The following CARMIL3 variants were observed in gnomAD, a reference collection of about 807,000 sequenced individuals.
CARMIL3 encodes capping protein regulator and myosin 1 linker 3, also known as capping protein, Arp2/3 and myosin-I linker protein 3.
A neutral mutation model predicts 180.8 loss-of-function variants in CARMIL3; 88 were observed. The observed-to-expected ratio is 0.49, with a 90% confidence interval of 0.41 to 0.58. CARMIL3 has a LOEUF of 0.58. CARMIL3 is among the 20% of genes least tolerant of loss of function. The probability of loss-of-function intolerance (pLI) is 0.00; values close to 1 mark genes in which losing one functional copy is unlikely to be tolerated. For missense variants in CARMIL3, 1,548 were observed against 1,787.0 expected (o/e 0.87, Z 2.41); for synonymous variants, 696 against 714.5 (o/e 0.97, Z 0.41).
chr14:24,060,926 G>T lies in CARMIL3; in HGVS notation c.2191-1G>T. 1.9e-6 allele frequency: 3 copies of T among 1,551,504 alleles called. No homozygotes were observed. The highest frequency in any genetic ancestry group is 1.7e-6 in the Non-Finnish European group (2 of 1,146,842). On this transcript the variant is annotated splice_acceptor_variant, in intron 25 of 39. Coordinates refer to ENST00000342740, the MANE Select transcript of CARMIL3 (RefSeq NM_138360.4). LOFTEE classifies it high-confidence loss of function. ...CTAATCATAACCCCTTCCTTCTCCA[G>T]CTGTTTCCCAGCCTCTATGAGCTGG... is the stretch of plus-strand genomic sequence containing the variant.
chr14:24,063,376 CT>C lies in CARMIL3; in HGVS notation c.2823del (p.Gly942AlafsTer30), dbSNP rs1373614850. 6.2e-7 allele frequency: 1 copy of C among 1,612,354 alleles called. No homozygotes were observed. The highest frequency in any genetic ancestry group is 8.5e-7 in the Non-Finnish European group (1 of 1,179,210). On this transcript the variant is annotated frameshift_variant, in exon 31 of 40. Coordinates refer to ENST00000342740, the MANE Select transcript of CARMIL3 (RefSeq NM_138360.4). LOFTEE classifies it high-confidence loss of function. Reference protein sequence around the residue: ...ESQLGNLGIPPGWFSGLGGSQ... With the variant: ...ESQLGNLGIPXGWFSGLGGSQ... ...CAACTGGGGAATCTGGGGATCCCCC[CT>C]GGCTGGTTCTCAGGACTTGGGGGCA...
Position 24,060,237 on chromosome 14 carries a change from G to A in CARMIL3, c.2043G>A (p.Val681=), listed in dbSNP as rs1427270388. 1 of 1,614,148 alleles carries A rather than the reference G, an allele frequency of 6.2e-7. No individual in the cohort carries two copies. Among genetic ancestry groups the A allele is most frequent in the Admixed American group, 1.7e-5 (1 of 60,034 alleles). Residue 681 remains valine, a synonymous_variant, in exon 24 of 40, where the codon GTG becomes GTA. Coordinates refer to ENST00000342740, the MANE Select transcript of CARMIL3 (RefSeq NM_138360.4). ...CCTTCAGGTTGCAGCAGGGCCTGGT[G>A]ACCAGCAGCGCCGAGCAAGTAAACG... is the stretch of plus-strand genomic sequence containing the variant. ...EQAFRLQQGL[V]TSSAEQMLQR...
At chr14:24,057,434 G>C (rs931391922) in intron 14 of CARMIL3, among the ~76,000 whole-genome samples, 190 bp downstream of exon 14, 4 of 152,158 alleles carry the variant, frequency 2.6e-5, no homozygotes, top group African/African-American at 9.7e-5. Flanking sequence ...ACAAGCTTGT[G>C]CTTGCTGTGC....
In CARMIL3 at chr14:24,057,980, C is replaced by G; in HGVS notation, c.1238C>G (p.Pro413Arg). 6.2e-7 allele frequency: 1 copy of G among 1,613,634 alleles called. No individual in the cohort carries two copies. Among genetic ancestry groups the G allele is most frequent in the Non-Finnish European group, 8.5e-7 (1 of 1,179,996 alleles). Reference sequence around the variant, plus strand: ...CACAGGAAGGGTCGAGAGGCCCCGCCGGCCTTCAAGCAGTTCTTCAGCAGC... The same window carrying G: ...CACAGGAAGGGTCGAGAGGCCCCGCGGGCCTTCAAGCAGTTCTTCAGCAGC... ...CSHRKGREAP[P>R]AFKQFFSSAY... is the part of the protein sequence containing the mutation. The change falls in exon 16 of 40, where the codon CCG becomes CGG. Residue 413 changes from proline (P) to arginine (R), a missense_variant. Pro to Arg is a moderately radical substitution (Grantham distance 103). Coordinates refer to ENST00000342740, the MANE Select transcript of CARMIL3 (RefSeq NM_138360.4).
intron 31 of CARMIL3, 45 bp from the exon 32 acceptor site, chr14:24,064,201 T>C (rs775352544): frequency 2.1e-6 from 3 of 1,436,300 alleles, no homozygotes; most frequent in Non-Finnish European, 2.9e-6. Flanking sequence ...GAGGTGGGGC[T>C]TCCTGACCTA....
At position 24,069,620 on chromosome 14, in the gene CARMIL3, A is replaced by G. The variant is rs1002280088; in HGVS notation, c.*216A>G. On this transcript the variant is annotated 3_prime_UTR_variant, in exon 40 of 40. Transcript: ENST00000342740. ...TGCCTGCCTCGATACCTCTCTCTGC[A>G]GAGAGCTTCTGGGTGGGGGCTTATC... is the stretch of plus-strand genomic sequence containing the variant. 5 of 604,868 alleles carry G rather than the reference A, an allele frequency of 8.3e-6. No homozygotes were observed. Among genetic ancestry groups the G allele is most frequent in the Non-Finnish European group, 1.5e-5 (5 of 343,344 alleles). 37.5% of individuals were successfully genotyped at this position (604,868 alleles called of 1,614,324 possible).
chr14:24,060,904 A>G (rs2035726021), intron 25 of CARMIL3, 23 bp from the exon 26 acceptor site: 3 of 1,549,344 alleles, frequency 1.9e-6, no homozygotes, highest in Non-Finnish European at 2.6e-6. Context: ...TGGCCTGCTA[A>G]TCATAACCCC....
At chr14:24,067,009 G>GCAAAC (rs2035793961) in intron 36 of CARMIL3, among the ~76,000 whole-genome samples, 2 of 152,196 alleles carry the variant, frequency 1.3e-5, no homozygotes, top group Non-Finnish European at 2.9e-5. Context: ...TGGGAAGAGG[G>GCAAAC]TGGGCAAGTC....
chr14:24,055,841 G>T (rs547528200), intron 10 of CARMIL3, 52 bp downstream of exon 10: 23 of 1,539,860 alleles, frequency 1.5e-5, no homozygotes, highest in Middle Eastern at 3.4e-4. Flanking sequence ...GTAGTTTTAG[G>T]GTCCCAGAAC....
At chr14:24,068,388 C>T (rs1215127594) in intron 36 of CARMIL3, among the ~76,000 whole-genome samples, 196 bp from the exon 37 acceptor site, 17 of 143,972 alleles carry the variant, frequency 1.2e-4, no homozygotes, top group African/African-American at 4.4e-4. Context: ...CAGAGCAAAA[C>T]TCCATCTCCA....
Position 24,069,480 on chromosome 14 carries a change from C to A in CARMIL3, c.*76C>A. ...CAGACCCCTATCCACCCCCAGTCCCCAGGGCCCCCTGCCAGCCCCTGTCCT... is the reference window on the plus strand; with the variant it reads ...CAGACCCCTATCCACCCCCAGTCCCAAGGGCCCCCTGCCAGCCCCTGTCCT... On this transcript the variant is annotated 3_prime_UTR_variant, in exon 40 of 40. Coordinates refer to ENST00000342740, the MANE Select transcript of CARMIL3 (RefSeq NM_138360.4). 6.3e-7 allele frequency: 1 copy of A among 1,591,338 alleles called. No homozygotes were observed. Among genetic ancestry groups the A allele is most frequent in the South Asian group, 1.1e-5 (1 of 89,784 alleles).
Position 24,052,104 on chromosome 14 carries a change from CCGGCGGCGG to C in CARMIL3, c.-42_-34del. The C allele has an allele frequency of 6.6e-7, 1 of 1,522,030 alleles. No individual in the cohort carries two copies. The highest frequency in any genetic ancestry group is 8.8e-7 in the Non-Finnish European group (1 of 1,139,476). 94.3% of individuals were successfully genotyped at this position (1,522,030 alleles called of 1,614,324 possible). ...CGGGTCTAGCATGTGCCGCGGCTCC[CCGGCGGCGG>C]CGGCGGCTCCTCTGCAGCAGCCTCA... On this transcript the variant is annotated 5_prime_UTR_variant, in exon 1 of 40. Coordinates refer to ENST00000342740, the MANE Select transcript of CARMIL3 (RefSeq NM_138360.4).
chr14:24,065,112 C>CAG lies in CARMIL3; in HGVS notation c.3235_3236insAG (p.Leu1079GlnfsTer150). 1 of 1,521,472 alleles carries CAG rather than the reference C, an allele frequency of 6.6e-7. No individual in the cohort carries two copies. Among genetic ancestry groups the CAG allele is most frequent in the Non-Finnish European group, 8.8e-7 (1 of 1,136,766 alleles). The allele number at this position is 1,521,472 out of a possible 1,614,324, so 94.2% of individuals were successfully genotyped here. ...GGGGTCCCCTACCACTGGACTCCTC[C>CAG]TCCCTCCACCCCCACCCCCTCCCCC... On this transcript the variant is annotated frameshift_variant, in exon 33 of 40. Coordinates refer to ENST00000342740, the MANE Select transcript of CARMIL3 (RefSeq NM_138360.4). LOFTEE classifies it high-confidence loss of function.
intron 10 of CARMIL3, among the ~76,000 whole-genome samples, chr14:24,056,002 C>T (rs185406988): frequency 6.6e-6 from 1 of 152,302 alleles, no homozygotes; most frequent in East Asian, 1.9e-4. Flanking sequence ...ATGGCCTTTC[C>T]CCAGGATGTT....
Position 24,065,543 on chromosome 14 carries a change from G to T in CARMIL3, c.3397-79G>T. 10 of 1,526,718 alleles carry T rather than the reference G, an allele frequency of 6.5e-6. No individual in the cohort carries two copies. The South Asian group carries it at 1.3e-4, about 20-fold the overall frequency. The allele number at this position is 1,526,718 out of a possible 1,614,324, so 94.6% of individuals were successfully genotyped here. A position where few individuals can be genotyped will look rare whatever the true frequency, so the allele number is the denominator to read the frequency against. ...TGGCTAGGGACTCAGTGAGGCAGGG[G>T]TCCTCCTGACAACTCCCTCACAGCC... On this transcript the variant is annotated intron_variant, in intron 33 of 39. Transcript: ENST00000342740.
Position 24,057,899 on chromosome 14 carries a change from G to C in CARMIL3, c.1217+20G>C, listed in dbSNP as rs769779491. The C allele has an allele frequency of 6.2e-7, 1 of 1,613,070 alleles. No homozygotes were observed. The highest frequency in any genetic ancestry group is 1.7e-5 in the Admixed American group (1 of 60,020). On this transcript the variant is annotated intron_variant, in intron 15 of 39. Coordinates refer to ENST00000342740, the MANE Select transcript of CARMIL3 (RefSeq NM_138360.4). The stretch of plus-strand genomic sequence containing the variant: ...CCACAGGTGGGAGAGGAGGGGGAAG[G>C]GAGGACAGGGCAAGACATGGCCAAC...
rs771162267 is a variant in CARMIL3 at position 24,052,137 on chromosome 14, C to T, written c.-17C>T. ...GGCGGCGGCTCCTCTGCAGCAGCCTCAGCAGCAGCGGCCGCCATGGCCAAG... is the reference window on the plus strand; with the variant it reads ...GGCGGCGGCTCCTCTGCAGCAGCCTTAGCAGCAGCGGCCGCCATGGCCAAG... On this transcript the variant is annotated 5_prime_UTR_variant, in exon 1 of 40. It introduces an in-frame stop codon into an upstream open reading frame of the 5' UTR. Transcript: ENST00000342740. 31 of 1,571,660 alleles carry T rather than the reference C, an allele frequency of 2.0e-5. No homozygotes were observed. Among genetic ancestry groups the T allele is most frequent in the Non-Finnish European group, 2.6e-5 (30 of 1,164,876 alleles).
chr14:24,055,659 C>T, intron 9 of CARMIL3, 41 bp downstream of exon 9: 1 of 1,613,172 alleles, frequency 6.2e-7, no homozygotes, highest in East Asian at 2.2e-5. Context: ...AGAAGTAGTG[C>T]CCCCCTTGGC....
At chr14:24,067,678 G>A (rs1356817864) in intron 36 of CARMIL3, among the ~76,000 whole-genome samples, 1 of 152,262 alleles carries the variant, frequency 6.6e-6, no homozygotes, top group Non-Finnish European at 1.5e-5. Flanking sequence ...CCATACACAG[G>A]CTAATTAAAG....
Sources: allele counts gnomAD v4.1 joint callset (sites outside exome capture counted in the v4.1 genomes callset), GRCh38; gene constraint gnomAD v4.1.1; transcripts MANE v1.5; gene names NCBI Gene and HGNC (gene_info 2026-07-23, HGNC 2026-07-21).